Variants in PPIL6 observed in about 807,000 individuals in gnomAD.
The protein encoded by PPIL6 is probable inactive peptidyl-prolyl cis-trans isomerase-like 6.
PPIL6 carries 39 observed loss-of-function variants against 36.8 expected under a neutral mutation model. The ratio of observed to expected loss-of-function variants is 1.06; its 90% CI spans 0.82 to 1.38. The LOEUF is 1.38. PPIL6 is among the 40% of genes most tolerant of loss of function. The pLI is 0.00. For missense variants in PPIL6, 368 were observed against 379.1 expected, an observed-to-expected ratio of 0.97 and a Z score of 0.24; for synonymous variants, 123 against 134.1, an observed-to-expected ratio of 0.92 and a Z score of 0.57.
intron 2 of PPIL6, among the ~76,000 whole-genome samples, chr6:109,435,603 T>C (rs1345183474): frequency 6.6e-6 from 1 of 151,940 alleles, no homozygotes; most frequent in Non-Finnish European, 1.5e-5. Flanking sequence ...GCCCAAATGT[T>C]GTAGTCAAAA....
At position 109,403,083 on chromosome 6, in the gene PPIL6, A is replaced by G. The variant is rs150618819; in HGVS notation, c.689-2913T>C. ...CTCTGCTTTCCTTCTGCCTCTTTAC[A>G]CTTCTTTTCAAGCTTCCATAAAGCT... On this transcript the variant is annotated intron_variant, in intron 6 of 7. Transcript: ENST00000521072. 696 of 1,529,560 alleles carry G rather than the reference A, an allele frequency of 4.6e-4. 5 individuals carry two copies. In the African/African-American group the frequency reaches 8.7e-3, roughly 19 times the overall value. The allele number at this position is 1,529,560 out of a possible 1,614,324, so 94.7% of individuals were successfully genotyped here.
intron 3 of PPIL6, among the ~76,000 whole-genome samples, chr6:109,430,891 T>C (rs1461050935): frequency 1.3e-5 from 2 of 152,182 alleles, no homozygotes; most frequent in African/African-American, 2.4e-5. Context: ...TATTTTAAAA[T>C]AGGTAATTCA....
chr6:109,427,014 G>A lies in PPIL6; in HGVS notation c.484-20C>T. On this transcript the variant is annotated intron_variant, in intron 4 of 7. Transcript: ENST00000521072. ...GTATAGCTACAAAATAAAGACAAAA[G>A]GTTTCAAAGATTAAATATTTAACAC... 6.3e-7 allele frequency: 1 copy of A among 1,598,808 alleles called. No homozygotes were observed.
chr6:109,420,117 T>A (rs1773464057), intron 5 of PPIL6, among the ~76,000 whole-genome samples: 1 of 151,848 alleles, frequency 6.6e-6, no homozygotes, highest in Non-Finnish European at 1.5e-5. Flanking sequence ...GCAAATCACT[T>A]GAGGCCAGGA....
At chr6:109,440,126 A>G (rs1774723449) in intron 1 of PPIL6, 1 of 365,010 alleles carries the variant, frequency 2.7e-6, no homozygotes, top group Non-Finnish European at 5.3e-6. Context: ...TAAAGAAAAA[A>G]TTGACGTAGA....
chr6:109,414,738 C>G (rs1179384641), intron 6 of PPIL6, among the ~76,000 whole-genome samples: 1 of 151,998 alleles, frequency 6.6e-6, no homozygotes, highest in Non-Finnish European at 1.5e-5. Context: ...CAGTTTTGAT[C>G]TACAGTTGAC....
At chr6:109,418,364 A>C (rs1773369201) in intron 6 of PPIL6, 1 of 152,610 alleles carries the variant, frequency 6.6e-6, no homozygotes, top group Non-Finnish European at 1.5e-5. Flanking sequence ...GGGGATCCTA[A>C]GTACCCTATT....
At chr6:109,436,884 C>G (rs959391075) in intron 1 of PPIL6, among the ~76,000 whole-genome samples, 4 of 152,166 alleles carry the variant, frequency 2.6e-5, no homozygotes, top group Non-Finnish European at 5.9e-5. Context: ...TTCTTTAAGA[C>G]TAGTTTTTCC....
chr6:109,391,064 G>A lies in PPIL6; in HGVS notation c.*1762C>T, dbSNP rs183981035. On this transcript the variant is annotated 3_prime_UTR_variant, in exon 8 of 8. Coordinates refer to ENST00000521072, the MANE Select transcript of PPIL6 (RefSeq NM_173672.5). ...AGCACTTTGGGAGGCCGAGGCGGGC[G>A]GATCACGAGGTCACAAGATCGGGAC... 4.2e-3 allele frequency: 638 copies of A among 151,980 alleles called. 7 individuals carry two copies. The highest frequency in any genetic ancestry group is 0.01 in the Middle Eastern group (3 of 298). 9.4% of individuals were successfully genotyped at this position (151,980 alleles called of 1,614,324 possible).
chr6:109,396,403 C>T (rs532464498), intron 7 of PPIL6, among the ~76,000 whole-genome samples: 7 of 152,256 alleles, frequency 4.6e-5, no homozygotes, highest in African/African-American at 1.7e-4. Context: ...GGGAGTTGGA[C>T]CCTTGCTGAC....
chr6:109,400,298 A>T (rs1056919725), intron 6 of PPIL6, 128 bp from the exon 7 acceptor site: 3 of 731,658 alleles, frequency 4.1e-6, no homozygotes, highest in East Asian at 2.7e-5. Flanking sequence ...TCCAAATTGT[A>T]AATATTCTAT....
At chr6:109,439,848 G>A (rs1353555284) in intron 1 of PPIL6, among the ~76,000 whole-genome samples, 1 of 152,170 alleles carries the variant, frequency 6.6e-6, no homozygotes, top group Non-Finnish European at 1.5e-5. Flanking sequence ...TAAGTGTGCT[G>A]CAGCATGACT....
At chr6:109,432,988 C>T (rs1774234614) in intron 2 of PPIL6, among the ~76,000 whole-genome samples, 1 of 152,124 alleles carries the variant, frequency 6.6e-6, no homozygotes, top group Admixed American at 6.6e-5. Context: ...ACTGATAGAG[C>T]CAGTTGGTCG....
chr6:109,427,188 G>C (rs1010062382), intron 3 of PPIL6, 32 bp from the exon 4 acceptor site: 6 of 1,520,840 alleles, frequency 3.9e-6, no homozygotes, highest in Non-Finnish European at 5.4e-6. Context: ...ATATAATGCA[G>C]GTCAAAGTCT....
intron 6 of PPIL6, among the ~76,000 whole-genome samples, chr6:109,409,980 A>G (rs1328696064): frequency 6.6e-6 from 1 of 152,172 alleles, no homozygotes; most frequent in Non-Finnish European, 1.5e-5. Flanking sequence ...CTATCAAAAT[A>G]CCAATGACAG....
At chr6:109,431,448 G>T in intron 2 of PPIL6, 103 bp from the exon 3 acceptor site, 1 of 693,306 alleles carries the variant, frequency 1.4e-6, no homozygotes, top group Non-Finnish European at 2.3e-6. Flanking sequence ...GTCTGAATTT[G>T]TCAACTCTAG....
chr6:109,406,207 C>T (rs1352416059), intron 6 of PPIL6, among the ~76,000 whole-genome samples: 11 of 148,848 alleles, frequency 7.4e-5, no homozygotes, highest in Non-Finnish European at 1.3e-4. Flanking sequence ...CATGCCACCA[C>T]GCCCAGCTAA....
intron 6 of PPIL6, among the ~76,000 whole-genome samples, chr6:109,414,806 A>G (rs1267218847): frequency 6.6e-6 from 1 of 152,144 alleles, no homozygotes; most frequent in Non-Finnish European, 1.5e-5. Flanking sequence ...AAAAATCCAC[A>G]TATAACTTTT....
At chr6:109,440,249 C>T (rs1231180980) in intron 1 of PPIL6, 6 of 672,930 alleles carry the variant, frequency 8.9e-6, no homozygotes, top group Non-Finnish European at 1.3e-5. Flanking sequence ...CCAAGTGGAA[C>T]GCCCGCCCCC....
Sources: allele counts gnomAD v4.1 joint callset (sites outside exome capture counted in the v4.1 genomes callset), GRCh38; gene constraint gnomAD v4.1.1; transcripts MANE v1.5; gene names NCBI Gene and HGNC (gene_info 2026-07-23, HGNC 2026-07-21).